RPF1: variants seen among roughly 807,000 people sequenced by gnomAD.
RPF1 encodes the protein ribosome production factor 1.
Under a neutral mutation model 41.9 loss-of-function variants are expected in RPF1, and 34 were observed. That is an observed-to-expected ratio of 0.81 (90% confidence interval 0.62 to 1.08). RPF1 has a LOEUF of 1.08. Among genes scored for constraint, RPF1 ranks in the 50% least tolerant of loss-of-function variants. RPF1 has a pLI of 0.00. For missense variants in RPF1, 425 were observed against 435.2 expected (o/e 0.98, Z 0.21); for synonymous variants, 140 against 148.9 (o/e 0.94, Z 0.43).
chr1:84,484,133 G>C (rs1681699532), intron 3 of RPF1, among the ~76,000 whole-genome samples: 1 of 152,184 alleles, frequency 6.6e-6, no homozygotes, highest in South Asian at 2.1e-4. Context: ...GGAGTAGAGA[G>C]GGTTTGCAAT....
intron 3 of RPF1, among the ~76,000 whole-genome samples, chr1:84,485,094 A>G (rs530723247): frequency 6.6e-6 from 1 of 151,928 alleles, no homozygotes; most frequent in South Asian, 2.1e-4. Flanking sequence ...TCTTATACAC[A>G]TAGCCTAAAG....
At chr1:84,481,267 G>T (rs751371174) in intron 2 of RPF1, among the ~76,000 whole-genome samples, 39 of 152,140 alleles carry the variant, frequency 2.6e-4, no homozygotes, top group African/African-American at 9.2e-4. Flanking sequence ...TGAAATTTTT[G>T]ATTATTTTTT....
chr1:84,481,032 G>T lies in RPF1; in HGVS notation c.285+20G>T. On this transcript the variant is annotated intron_variant, in intron 2 of 8. Coordinates refer to ENST00000370654, the MANE Select transcript of RPF1 (RefSeq NM_025065.7). The stretch of plus-strand genomic sequence containing the variant: ...GATAAGGTAAATAAAATTTTTAGCT[G>T]TTTGCTTTCTATCTTATATTAGGGA... 6.8e-7 allele frequency: 1 copy of T among 1,475,162 alleles called. No individual in the cohort carries two copies. Among genetic ancestry groups the T allele is most frequent in the Non-Finnish European group, 9.4e-7 (1 of 1,067,992 alleles). 91.4% of individuals were successfully genotyped at this position (1,475,162 alleles called of 1,614,324 possible). A position where few individuals can be genotyped will look rare whatever the true frequency, so the allele number is the denominator to read the frequency against.
At chr1:84,484,512 C>T (rs879547512) in intron 3 of RPF1, among the ~76,000 whole-genome samples, 10 of 151,398 alleles carry the variant, frequency 6.6e-5, no homozygotes, top group Non-Finnish European at 1.3e-4. Flanking sequence ...ATTCCTCAGT[C>T]ATTTGCTTTT....
intron 5 of RPF1, among the ~76,000 whole-genome samples, chr1:84,493,853 C>T (rs971573503): frequency 8.5e-5 from 13 of 152,130 alleles, no homozygotes; most frequent in African/African-American, 2.7e-4. Context: ...ACTGTGAGTA[C>T]CTACCAGTTA....
chr1:84,496,836 A>G (rs891009508), intron 8 of RPF1, among the ~76,000 whole-genome samples: 13 of 152,162 alleles, frequency 8.5e-5, no homozygotes, highest in African/African-American at 3.1e-4. Context: ...TTTGGAGATC[A>G]TCATCTTAAA....
At chr1:84,490,232 T>C (rs1433310166) in intron 4 of RPF1, 87 bp from the exon 5 acceptor site, 3 of 830,950 alleles carry the variant, frequency 3.6e-6, no homozygotes, top group African/African-American at 1.8e-5. Flanking sequence ...ATAATAATTA[T>C]TATTTCTTTC....
intron 5 of RPF1, among the ~76,000 whole-genome samples, chr1:84,494,926 G>A (rs1375478683): frequency 6.6e-6 from 1 of 152,150 alleles, no homozygotes; most frequent in Non-Finnish European, 1.5e-5. Flanking sequence ...AAAGTTGACA[G>A]CATATCGTGA....
chr1:84,495,222 G>A (rs1375825794), intron 5 of RPF1, 151 bp from the exon 6 acceptor site: 9 of 566,030 alleles, frequency 1.6e-5, no homozygotes, highest in Non-Finnish European at 2.4e-5. Context: ...CTTTTGATAT[G>A]GTAGGAAAAT....
At chr1:84,482,887 A>G in intron 2 of RPF1, 28 bp from the exon 3 acceptor site, 2 of 1,424,908 alleles carry the variant, frequency 1.4e-6, no homozygotes, top group Non-Finnish European at 2.0e-6. Context: ...AAATCCTTCT[A>G]AAATGTAATC....
intron 7 of RPF1, 41 bp from the exon 8 acceptor site, chr1:84,496,203 A>G (rs911089843): frequency 1.6e-5 from 26 of 1,576,304 alleles, no homozygotes; most frequent in South Asian, 4.6e-5. Flanking sequence ...ATGTTAAACA[A>G]TAGCTCATTC....
At chr1:84,493,083 G>T (rs965912333) in intron 5 of RPF1, among the ~76,000 whole-genome samples, 2 of 152,178 alleles carry the variant, frequency 1.3e-5, no homozygotes, top group East Asian at 3.8e-4. Flanking sequence ...CATGGGAAAA[G>T]AAGTTATTTA....
intron 2 of RPF1, 72 bp downstream of exon 2, chr1:84,481,084 ACTTT>A: frequency 2.4e-6 from 2 of 822,064 alleles, no homozygotes; most frequent in Non-Finnish European, 2.0e-6. Context: ...AAGTTGAATT[ACTTT>A]CTTTTAAAAT....
rs1394394121 is a variant in RPF1 at position 84,482,955 on chromosome 1, G to A, written c.326G>A (p.Arg109Gln). ...KPVPKTIDNQRVYDETTVDPN... is the reference protein window; with the variant it reads ...KPVPKTIDNQQVYDETTVDPN... ...GTACCCAAGACCATTGACAACCAGC[G>A]AGTGTATGATGAAACCACAGTAGAC... Residue 109 changes from arginine to glutamine, a missense_variant, in exon 3 of 9, where the codon CGA becomes CAA. Arg to Gln is a conservative substitution (Grantham distance 43). Transcript: ENST00000370654. 6.2e-7 allele frequency: 1 copy of A among 1,612,126 alleles called. No homozygotes were observed. The highest frequency in any genetic ancestry group is 8.5e-7 in the Non-Finnish European group (1 of 1,178,360).
rs1681963559 is a variant in RPF1, at chr1:84,497,503, A to T, written c.*33A>T. The T allele has an allele frequency of 1.3e-6, 2 of 1,518,036 alleles. No homozygotes were observed. The highest frequency in any genetic ancestry group is 2.3e-5 in the South Asian group (2 of 86,482). 94.0% of individuals were successfully genotyped at this position (1,518,036 alleles called of 1,614,324 possible). A position where few individuals can be genotyped will look rare whatever the true frequency, so the allele number is the denominator to read the frequency against. Reference sequence around the variant, plus strand: ...AGAGAATGATATTGGATTTTGCTGAACAGGCCTATCTTGAACTTTGGTAAA... The same window carrying T: ...AGAGAATGATATTGGATTTTGCTGATCAGGCCTATCTTGAACTTTGGTAAA... On this transcript the variant is annotated 3_prime_UTR_variant, in exon 9 of 9. Coordinates refer to ENST00000370654, the MANE Select transcript of RPF1 (RefSeq NM_025065.7).
At position 84,479,438 on chromosome 1, in the gene RPF1, A is replaced by G. The variant is rs199732309; in HGVS notation, c.157A>G (p.Ser53Gly). The change falls in exon 1 of 9, where the codon AGC becomes GGC. Residue 53 changes from serine to glycine, a missense_variant. Ser to Gly is a moderately conservative substitution (Grantham distance 56). Transcript: ENST00000370654. ...AGCGGCTGCCTTTCCGCCAGGCTTT[A>G]GCATTTCGGAGATTAAAAACAAACA... ...PKAAAFPPGF[S>G]ISEIKNKQRR... 9 of 1,614,126 alleles carry G rather than the reference A, an allele frequency of 5.6e-6. No individual in the cohort carries two copies. Among genetic ancestry groups the G allele is most frequent in the Admixed American group, 3.3e-5 (2 of 60,012 alleles).
chr1:84,494,010 A>C (rs1451911949), intron 5 of RPF1, among the ~76,000 whole-genome samples: 38 of 152,230 alleles, frequency 2.5e-4, no homozygotes, highest in Admixed American at 2.4e-3. Context: ...AAGACTGTGA[A>C]GGTATCTAGT....
intron 5 of RPF1, among the ~76,000 whole-genome samples, chr1:84,490,923 A>G (rs555819461): frequency 6.6e-6 from 1 of 152,340 alleles, no homozygotes; most frequent in South Asian, 2.1e-4. Flanking sequence ...GGAATAAGGC[A>G]GAGAAAAGCG....
chr1:84,490,489 T>A lies in RPF1; in HGVS notation c.616+17T>A, dbSNP rs755735143. 5.8e-6 allele frequency: 9 copies of A among 1,542,526 alleles called. No homozygotes were observed. Among genetic ancestry groups the A allele is most frequent in the East Asian group, 4.6e-5 (2 of 43,034 alleles). On this transcript the variant is annotated intron_variant, in intron 5 of 8. Coordinates refer to ENST00000370654, the MANE Select transcript of RPF1 (RefSeq NM_025065.7). Reference sequence around the variant, plus strand: ...AAACCCCAAGTATCCTTTTTTTTTTTAAGGAGGTTTTCCTGTCCTCTCCCT... The same window carrying A: ...AAACCCCAAGTATCCTTTTTTTTTTAAAGGAGGTTTTCCTGTCCTCTCCCT...
Sources: allele counts gnomAD v4.1 joint callset (sites outside exome capture counted in the v4.1 genomes callset), GRCh38; gene constraint gnomAD v4.1.1; transcripts MANE v1.5; gene names NCBI Gene and HGNC (gene_info 2026-07-23, HGNC 2026-07-21).